Variants in XXYLT1 observed in about 807,000 individuals in gnomAD.
The protein encoded by XXYLT1 is UDP-xylose:alpha-xyloside alpha-1,3-xylosyltransferase.
A neutral mutation model predicts 28.9 loss-of-function variants in XXYLT1; 20 were observed. The observed-to-expected ratio is 0.69, with a 90% CI of 0.49 to 1.00. The LOEUF is 1.00. Ranked by LOEUF, XXYLT1 falls within the 50% of genes least tolerant of loss-of-function variation. The pLI is 0.00. For synonymous variants in XXYLT1, 257 were observed against 253.8 expected, an observed-to-expected ratio of 1.01 and a Z score of -0.12; for missense variants, 542 against 560.1, an observed-to-expected ratio of 0.97 and a Z score of 0.33.
chr3:195,178,283 C>T (rs1403829249), intron 2 of XXYLT1, among the ~76,000 whole-genome samples: 1 of 152,166 alleles, frequency 6.6e-6, no homozygotes, highest in Admixed American at 6.5e-5. Flanking sequence ...CCACACGGAA[C>T]CCTCGCCCAA....
intron 3 of XXYLT1, among the ~76,000 whole-genome samples, chr3:195,130,580 T>A (rs1718855702): frequency 2.9e-5 from 4 of 136,300 alleles, no homozygotes; most frequent in Admixed American, 2.1e-4. Context: ...TTCATGCCAG[T>A]AGCTATGCTA....
chr3:195,089,668 A>G (rs1716021424), intron 3 of XXYLT1, among the ~76,000 whole-genome samples: 1 of 152,056 alleles, frequency 6.6e-6, no homozygotes, highest in Non-Finnish European at 1.5e-5. Context: ...TCAAATTCAC[A>G]CATAACAATA....
Position 195,201,425 on chromosome 3 carries a change from A to T in XXYLT1, c.652+25284T>A, listed in dbSNP as rs377372118. On this transcript the variant is annotated intron_variant, in intron 2 of 3. Coordinates refer to ENST00000310380, the MANE Select transcript of XXYLT1 (RefSeq NM_152531.5). ...GGGGTCCATCTCAACCTCTGCCTTTAAGTCATCCCAATGTATTCTCAAACC... is the reference window on the plus strand; with the variant it reads ...GGGGTCCATCTCAACCTCTGCCTTTTAGTCATCCCAATGTATTCTCAAACC... Among the ~76,000 whole-genome samples, 6 of 152,182 alleles carry T rather than the reference A, an allele frequency of 3.9e-5. No homozygotes were observed. In the East Asian group the frequency reaches 9.6e-4, roughly 24 times the overall value.
chr3:195,208,474 A>C (rs1414791885), intron 2 of XXYLT1, among the ~76,000 whole-genome samples: 1 of 151,670 alleles, frequency 6.6e-6, no homozygotes, highest in Non-Finnish European at 1.5e-5. Flanking sequence ...GGCTGACTGG[A>C]CCAACCACAA....
rs111259127 is a variant in XXYLT1, at chr3:195,241,900, T to C, written c.505-15044A>G. 4.0e-3 allele frequency among the ~76,000 whole-genome samples: 603 copies of C among 152,266 alleles called. 4 individuals carry two copies. The highest frequency in any genetic ancestry group is 0.014 in the African/African-American group (566 of 41,556). ...CCTGGCTATTGCATGACCAGATTCA[T>C]TTCCTCCATAATACTTATCACCAGA... On this transcript the variant is annotated intron_variant, in intron 1 of 3. Coordinates refer to ENST00000310380, the MANE Select transcript of XXYLT1 (RefSeq NM_152531.5).
intron 3 of XXYLT1, among the ~76,000 whole-genome samples, chr3:195,140,365 G>A (rs73062366): frequency 0.045 from 6,845 of 152,220 alleles, 523 homozygotes; most frequent in African/African-American, 0.15. Flanking sequence ...GAGGTGGCAC[G>A]GACTAGCAGA....
At chr3:195,135,511 A>G (rs1719146506) in intron 3 of XXYLT1, among the ~76,000 whole-genome samples, 3 of 152,112 alleles carry the variant, frequency 2.0e-5, no homozygotes, top group African/African-American at 7.2e-5. Context: ...TCCATTTTCC[A>G]GGGCAGATGA....
rs115228189 is a variant in XXYLT1, at chr3:195,117,348, G to A, written c.785+39101C>T. 3.4e-4 allele frequency among the ~76,000 whole-genome samples: 52 copies of A among 152,290 alleles called. 2 individuals are homozygous for A. Among genetic ancestry groups the A allele is most frequent in the South Asian group, 3.3e-3 (16 of 4,820 alleles). On this transcript the variant is annotated intron_variant, in intron 3 of 3. Coordinates refer to ENST00000310380, the MANE Select transcript of XXYLT1 (RefSeq NM_152531.5). ...TCAGATGTGGGCCATCCATCCTATG[G>A]ACTACATTAGCAGAATGAAATAAGA...
intron 3 of XXYLT1, among the ~76,000 whole-genome samples, chr3:195,128,914 G>A (rs189386679): frequency 3.3e-5 from 5 of 152,286 alleles, no homozygotes; most frequent in East Asian, 1.9e-4. Context: ...GAAAGCATGC[G>A]CCAACACTGG....
At chr3:195,152,305 C>T (rs1720315417) in intron 3 of XXYLT1, 1 of 152,638 alleles carries the variant, frequency 6.6e-6, no homozygotes, top group Non-Finnish European at 1.5e-5. Flanking sequence ...CCACTGAGGA[C>T]CTGTCCAGGG....
intron 3 of XXYLT1, among the ~76,000 whole-genome samples, chr3:195,111,825 A>G (rs1479553833): frequency 6.6e-6 from 1 of 152,188 alleles, no homozygotes; most frequent in Non-Finnish European, 1.5e-5. Flanking sequence ...AATTTTCAAA[A>G]ATAGGAACTC....
intron 3 of XXYLT1, among the ~76,000 whole-genome samples, chr3:195,151,461 C>T (rs1464763333): frequency 1.3e-5 from 2 of 152,056 alleles, no homozygotes; most frequent in East Asian, 1.9e-4. Flanking sequence ...ACCTGGGAGG[C>T]GGTGGCTGCA....
intron 2 of XXYLT1, 97 bp downstream of exon 2, chr3:195,226,609 GCTA>G: frequency 7.0e-7 from 1 of 1,438,216 alleles, no homozygotes; most frequent in Non-Finnish European, 9.4e-7. Context: ...GTTCAGTGGA[GCTA>G]TTCTCCCTGA....
chr3:195,069,307 T>G lies in XXYLT1; in HGVS notation c.*408A>C. 1 of 186,986 alleles carries G rather than the reference T, an allele frequency of 5.3e-6. No individual in the cohort carries two copies. The highest frequency in any genetic ancestry group is 1.2e-4 in the South Asian group (1 of 8,112). The allele number at this position is 186,986 out of a possible 1,614,324, so 11.6% of individuals were successfully genotyped here. A position where few individuals can be genotyped will look rare whatever the true frequency, so the allele number is the denominator to read the frequency against. ...CTCGATGGGTGCTAAAGCAGTTCTG[T>G]TTGTACTTTCTCGAAAAATGGAAGG... is the stretch of plus-strand genomic sequence containing the variant. On this transcript the variant is annotated 3_prime_UTR_variant, in exon 4 of 4. Transcript: ENST00000310380.
chr3:195,235,122 T>C (rs1034877156), intron 1 of XXYLT1, among the ~76,000 whole-genome samples: 2 of 152,114 alleles, frequency 1.3e-5, no homozygotes, highest in Non-Finnish European at 1.5e-5. Flanking sequence ...CTTTCTTTTT[T>C]TGAGACAGGG....
chr3:195,135,421 C>G (rs1256627704), intron 3 of XXYLT1, among the ~76,000 whole-genome samples: 1 of 152,080 alleles, frequency 6.6e-6, no homozygotes, highest in Non-Finnish European at 1.5e-5. Context: ...TCAGCAGGGG[C>G]AGGGAGGTTT....
intron 3 of XXYLT1, among the ~76,000 whole-genome samples, chr3:195,108,373 G>T (rs1717265004): frequency 6.6e-6 from 1 of 152,122 alleles, no homozygotes; most frequent in Non-Finnish European, 1.5e-5. Context: ...GCTAACTCTT[G>T]TTTTATTTGA....
chr3:195,184,998 C>T (rs2108743215), intron 2 of XXYLT1, among the ~76,000 whole-genome samples: 1 of 152,094 alleles, frequency 6.6e-6, no homozygotes, highest in Middle Eastern at 3.4e-3. Flanking sequence ...GAGGGCCTGG[C>T]ACCCCTCATG....
chr3:195,234,092 T>G (rs1241632845), intron 1 of XXYLT1, among the ~76,000 whole-genome samples: 1 of 151,614 alleles, frequency 6.6e-6, no homozygotes, highest in Non-Finnish European at 1.5e-5. Flanking sequence ...AATTTTTTTT[T>G]TTTTTTAGTA....
Sources: gnomAD v4.1 joint callset for allele counts (sites outside exome capture counted in the v4.1 genomes callset) on GRCh38, gnomAD v4.1.1 for gene constraint, MANE v1.5 for transcripts, NCBI Gene and HGNC (gene_info 2026-07-23, HGNC 2026-07-21) for gene names.